CIB1: variants seen among roughly 807,000 people sequenced by gnomAD.
The protein encoded by CIB1 is calcium and integrin-binding protein 1.
CIB1 carries 19 observed loss-of-function variants against 25.0 expected under a neutral mutation model. The observed-to-expected ratio is 0.76, with a 90% confidence interval of 0.53 to 1.12. The LOEUF is 1.12. Ranked by LOEUF, CIB1 falls within the 50% of genes most tolerant of loss-of-function variation. The pLI is 0.00. For synonymous variants in CIB1, 104 were observed against 98.5 expected (o/e 1.06, Z -0.33); for missense variants, 236 against 242.6 (o/e 0.97, Z 0.18).
chr15:90,233,425 G>A (rs9744136), intron 2 of CIB1, among the ~76,000 whole-genome samples: 220 of 152,348 alleles, frequency 1.4e-3, no homozygotes, highest in South Asian at 2.7e-3. Flanking sequence ...GGAGCCCAGG[G>A]TCAAAGAGCG....
At chr15:90,250,695 A>G in the CIB1 span, 1 of 1,614,170 alleles carries the variant, frequency 6.2e-7, no homozygotes, top group Non-Finnish European at 8.5e-7. Context: ...AAGGAATCTG[A>G]GAAGTGTGTT....
the CIB1 span, chr15:90,257,419 A>G: frequency 1.5e-6 from 2 of 1,318,676 alleles, no homozygotes; most frequent in African/African-American, 1.5e-5. Flanking sequence ...TCTAGCTGGG[A>G]GGCAAGTGTT....
At chr15:90,254,851 AG>A in the CIB1 span, among the ~76,000 whole-genome samples, 166 of 151,508 alleles carry the variant, frequency 1.1e-3, no homozygotes, top group Middle Eastern at 3.4e-3. Flanking sequence ...GTCTCAGGGA[AG>A]GGGGAAAAAA....
At chr15:90,251,280 A>ATTTTTTTTTTTTTTTTTTTTT in the CIB1 span, among the ~76,000 whole-genome samples, 2 of 109,510 alleles carry the variant, frequency 1.8e-5, no homozygotes, top group African/African-American at 3.6e-5. Context: ...CGCATGGCAA[A>ATTTTTTTTTTTTTTTTTTTTT]TTTTTTTTTT....
chr15:90,236,523 T>C (rs77996148), upstream of CIB1, among the ~76,000 whole-genome samples: 3,701 of 152,302 alleles, frequency 0.024, 145 homozygotes, highest in African/African-American at 0.081. Context: ...CCATTTGGCA[T>C]ATTTCTCATT....
the CIB1 span, among the ~76,000 whole-genome samples, chr15:90,259,984 C>T: frequency 6.6e-6 from 1 of 152,148 alleles, no homozygotes; most frequent in South Asian, 2.1e-4. Flanking sequence ...GTGTTTGATT[C>T]CCCACGAGAG....
chr15:90,252,654 G>C, the CIB1 span, among the ~76,000 whole-genome samples: 8 of 152,132 alleles, frequency 5.3e-5, no homozygotes, highest in Non-Finnish European at 1.2e-4. Flanking sequence ...GTGCCAGTGT[G>C]ACCCCACCTA....
At chr15:90,231,913 G>A (rs1005949849) in intron 3 of CIB1, among the ~76,000 whole-genome samples, 21 of 152,226 alleles carry the variant, frequency 1.4e-4, no homozygotes, top group Non-Finnish European at 2.8e-4. Context: ...TTACGGAGTG[G>A]CAATCAGCCT....
At chr15:90,262,194 A>G in the CIB1 span, 2 of 1,526,896 alleles carry the variant, frequency 1.3e-6, no homozygotes, top group Non-Finnish European at 1.8e-6. Flanking sequence ...TGTGCCAGGT[A>G]CTTTGACCGA....
At chr15:90,254,052 G>A in the CIB1 span, among the ~76,000 whole-genome samples, 1 of 152,228 alleles carries the variant, frequency 6.6e-6, no homozygotes, top group East Asian at 1.9e-4. Flanking sequence ...GCTCACACCT[G>A]TAATCCCACC....
the CIB1 span, chr15:90,258,433 A>G: frequency 1.5e-6 from 1 of 679,396 alleles, no homozygotes; most frequent in South Asian, 1.8e-5. Context: ...TACCCTTTTG[A>G]CCTGCTGAGT....
At chr15:90,239,626 A>C in the CIB1 span, among the ~76,000 whole-genome samples, 172 of 152,242 alleles carry the variant, frequency 1.1e-3, no homozygotes, top group Non-Finnish European at 2.1e-3. Flanking sequence ...TTTACTTTCC[A>C]CCGGGCCCCT....
At chr15:90,231,314 G>A (rs750241867) in intron 4 of CIB1, 43 bp downstream of exon 4, 81 of 1,609,516 alleles carry the variant, frequency 5.0e-5, no homozygotes, top group Middle Eastern at 1.7e-4. Context: ...CAAAGCCCAC[G>A]TGGGAAGGGG....
chr15:90,242,245 A>G, the CIB1 span: 24 of 324,560 alleles, frequency 7.4e-5, no homozygotes, highest in African/African-American at 5.9e-4. Flanking sequence ...GCACCACCAC[A>G]CACCTGGCTT....
the CIB1 span, chr15:90,257,583 G>A: frequency 6.5e-7 from 1 of 1,540,486 alleles, no homozygotes; most frequent in Non-Finnish European, 8.9e-7. Flanking sequence ...TGAAGGGCTG[G>A]AGAGGACGGC....
the CIB1 span, chr15:90,263,504 C>T: frequency 1.9e-6 from 1 of 517,748 alleles, no homozygotes; most frequent in Non-Finnish European, 3.4e-6. Flanking sequence ...TGCCAGTGCC[C>T]CAGCTCTAAT....
chr15:90,234,601 G>A (rs1962591996), upstream of CIB1: 1 of 152,096 alleles, frequency 6.6e-6, no homozygotes, highest in Non-Finnish European at 1.5e-5. Context: ...TGCGAGGTAG[G>A]TTCCCATTTT....
the CIB1 span, chr15:90,242,787 G>C: frequency 2.0e-5 from 3 of 152,192 alleles, no homozygotes; most frequent in African/African-American, 7.2e-5. Flanking sequence ...CCTTTCCAGA[G>C]CACTGTCCAT....
At chr15:90,245,541 G>A in the CIB1 span, 121 of 150,114 alleles carry the variant, frequency 8.1e-4, no homozygotes, top group African/African-American at 2.8e-3. Flanking sequence ...TCATATTTTT[G>A]GTAAACTGCA....
Sources: allele counts gnomAD v4.1 joint callset (sites outside exome capture counted in the v4.1 genomes callset), GRCh38; gene constraint gnomAD v4.1.1; transcripts MANE v1.5; gene names NCBI Gene and HGNC (gene_info 2026-07-23, HGNC 2026-07-21).